Variants in FBXO40 observed in about 807,000 individuals in gnomAD.
The protein encoded by FBXO40 is F-box protein 40.
FBXO40 carries 50 observed loss-of-function variants against 49.9 expected under a neutral mutation model. The ratio of observed to expected loss-of-function variants is 1.00; its 90% CI spans 0.80 to 1.27. The LOEUF (loss-of-function observed/expected upper bound fraction) is 1.27, where lower values mean the gene tolerates loss of function less well. Ranked by LOEUF, FBXO40 falls within the 50% of genes most tolerant of loss-of-function variation. The pLI, the probability that FBXO40 is intolerant of heterozygous loss-of-function variation, is 0.00. For missense variants in FBXO40, 895 were observed against 870.1 expected (o/e 1.03, Z -0.36); for synonymous variants, 340 against 320.2 (o/e 1.06, Z -0.66).
At chr3:121,604,194 G>A (rs1412671338) in intron 1 of FBXO40, among the ~76,000 whole-genome samples, 4 of 152,168 alleles carry the variant, frequency 2.6e-5, no homozygotes, top group Admixed American at 2.6e-4. Flanking sequence ...AGCTTTAAGG[G>A]ACCTGTCATG....
chr3:121,599,705 C>CACACAT (rs1214125029), intron 1 of FBXO40, among the ~76,000 whole-genome samples: 20 of 59,532 alleles, frequency 3.4e-4, no homozygotes, highest in African/African-American at 1.2e-3. Flanking sequence ...CACACACACA[C>CACACAT]ATATATATAT....
In FBXO40 at chr3:121,627,906, CCTAGACAGCA is replaced by C. The variant is rs1469269028; in HGVS notation, c.*999_*1008del. 3.0e-5 allele frequency: 12 copies of C among 398,574 alleles called. No individual in the cohort carries two copies. Among genetic ancestry groups the C allele is most frequent in the African/African-American group, 2.5e-4 (12 of 48,636 alleles). The allele number at this position is 398,574 out of a possible 1,614,324, so 24.7% of individuals were successfully genotyped here. A position where few individuals can be genotyped will look rare whatever the true frequency, so the allele number is the denominator to read the frequency against. On this transcript the variant is annotated 3_prime_UTR_variant, in exon 4 of 4. Transcript: ENST00000338040. Reference sequence around the variant, plus strand: ...GTTCCTATGGCGCCAGTCACCAGCTCCTAGACAGCACTTGGGTACCCCATTGGGGTCTTGG... The same window carrying C: ...GTTCCTATGGCGCCAGTCACCAGCTCCTTGGGTACCCCATTGGGGTCTTGG...
chr3:121,601,042 A>G (rs1317878387), intron 1 of FBXO40, among the ~76,000 whole-genome samples: 1 of 152,148 alleles, frequency 6.6e-6, no homozygotes, highest in African/African-American at 2.4e-5. Flanking sequence ...TGATCAATCA[A>G]CTGTCCAGAT....
chr3:121,626,258 G>C (rs2049061186), intron 3 of FBXO40, among the ~76,000 whole-genome samples: 1 of 151,990 alleles, frequency 6.6e-6, no homozygotes, highest in South Asian at 2.1e-4. Context: ...GTGGTCTCTG[G>C]TGATTGCTGG....
intron 1 of FBXO40, among the ~76,000 whole-genome samples, chr3:121,594,723 C>T (rs1263776542): frequency 6.6e-6 from 1 of 152,122 alleles, no homozygotes; most frequent in Non-Finnish European, 1.5e-5. Flanking sequence ...CCTCTTCTCC[C>T]CAGCTCTCTT....
rs148776238 is a variant in FBXO40, at chr3:121,622,108, G to T, written c.679G>T (p.Ala227Ser). ...GGAAAATATTTTCAGCAAAGAGCAC[G>T]CAGCCTCTGCTTTAACAAATTCATC... ...QWENIFSKEH[A>S]ASALTNSSAS... Residue 227 changes from alanine to serine, a missense_variant, in exon 3 of 4, where the codon GCA becomes TCA. By Grantham distance (99) the Ala-to-Ser change is moderately conservative. Coordinates refer to ENST00000338040, the MANE Select transcript of FBXO40 (RefSeq NM_016298.4). The T allele has an allele frequency of 2.5e-6, 4 of 1,614,182 alleles. No homozygotes were observed. The highest frequency in any genetic ancestry group is 3.4e-6 in the Non-Finnish European group (4 of 1,180,038).
chr3:121,624,796 T>C (rs976539468), intron 3 of FBXO40, among the ~76,000 whole-genome samples: 18 of 152,028 alleles, frequency 1.2e-4, no homozygotes, highest in African/African-American at 4.1e-4. Context: ...GGCATAACTC[T>C]CTAGGTAGCT....
intron 1 of FBXO40, among the ~76,000 whole-genome samples, chr3:121,594,951 C>T (rs2048863900): frequency 6.6e-6 from 1 of 152,180 alleles, no homozygotes. Flanking sequence ...GTGTTGCATG[C>T]ACTAAAAATT....
chr3:121,621,848 C>T lies in FBXO40; in HGVS notation c.419C>T (p.Ser140Phe), dbSNP rs267599566. Residue 140 changes from serine (S) to phenylalanine (F), a missense_variant, in exon 3 of 4, where the codon TCC becomes TTC. Physicochemically the swap from Ser to Phe is radical, Grantham distance 155. Coordinates refer to ENST00000338040, the MANE Select transcript of FBXO40 (RefSeq NM_016298.4). ...ALQDQKVLFRSLKMVELFPET... is the reference protein window; with the variant it reads ...ALQDQKVLFRFLKMVELFPET... Reference sequence around the variant, plus strand: ...CAGGATCAGAAGGTCCTCTTCAGATCCTTGAAAATGGTGGAACTTTTCCCA... The same window carrying T: ...CAGGATCAGAAGGTCCTCTTCAGATTCTTGAAAATGGTGGAACTTTTCCCA... 6.2e-7 allele frequency: 1 copy of T among 1,614,134 alleles called. No individual in the cohort carries two copies. Among genetic ancestry groups the T allele is most frequent in the Non-Finnish European group, 8.5e-7 (1 of 1,180,030 alleles).
Position 121,622,799 on chromosome 3 carries a change from T to A in FBXO40, c.1370T>A (p.Val457Glu), listed in dbSNP as rs143931074. The change falls in exon 3 of 4, where the codon GTG (valine) becomes GAG (glutamate). Residue 457 changes from valine to glutamate, a missense_variant. By Grantham distance (121) the Val-to-Glu change is moderately radical. Coordinates refer to ENST00000338040, the MANE Select transcript of FBXO40 (RefSeq NM_016298.4). Reference sequence around the variant, plus strand: ...GCTGCCACCCCAGGGGGACTCCACGTGGAGCTCCACAGCGAGTGTGTGACC... The same window carrying A: ...GCTGCCACCCCAGGGGGACTCCACGAGGAGCTCCACAGCGAGTGTGTGACC... ...LTAATPGGLH[V>E]ELHSECVTRR... The A allele has an allele frequency of 2.7e-5, 43 of 1,614,060 alleles. 1 individual carries two copies. The highest frequency in any genetic ancestry group is 3.3e-5 in the Non-Finnish European group (39 of 1,180,042).
rs1298539925 is a variant in FBXO40, at chr3:121,627,459, G to T, written c.*549G>T. The T allele has an allele frequency of 5.7e-6, 1 of 173,936 alleles. No homozygotes were observed. The highest frequency in any genetic ancestry group is 1.2e-5 in the Non-Finnish European group (1 of 82,962). The allele number at this position is 173,936 out of a possible 1,614,324, so 10.8% of individuals were successfully genotyped here. ...ATTCTACTGCCTCTAGGCCAGGGTA[G>T]TCCTAACACAGCCTGACATAGGAGA... On this transcript the variant is annotated 3_prime_UTR_variant, in exon 4 of 4. Transcript: ENST00000338040.
intron 1 of FBXO40, among the ~76,000 whole-genome samples, chr3:121,593,733 G>T (rs1386939381): frequency 6.6e-6 from 1 of 151,922 alleles, no homozygotes; most frequent in Non-Finnish European, 1.5e-5. Context: ...GACAGCTTAG[G>T]TTCTTTCTTC....
intron 1 of FBXO40, among the ~76,000 whole-genome samples, chr3:121,610,152 C>T (rs1293394934): frequency 6.6e-6 from 1 of 152,150 alleles, no homozygotes; most frequent in Non-Finnish European, 1.5e-5. Context: ...GCTCGGAGGC[C>T]CAGAATGGGG....
intron 1 of FBXO40, among the ~76,000 whole-genome samples, chr3:121,599,300 T>G (rs1258888545): frequency 2.0e-5 from 3 of 151,930 alleles, no homozygotes; most frequent in Admixed American, 1.3e-4. Context: ...AAACCCCGTC[T>G]CTACTAAAAA....
In FBXO40 at chr3:121,622,980, A is replaced by G. The variant is rs1576456305; in HGVS notation, c.1551A>G (p.Gly517=). 1 of 1,613,984 alleles carries G rather than the reference A, an allele frequency of 6.2e-7. No individual in the cohort carries two copies. The highest frequency in any genetic ancestry group is 1.7e-5 in the Admixed American group (1 of 60,002). ...ATCGATGCCCCCTCGCCTACTTGGGATGTACATTTGTTCAAAACCATTTCC... is the reference window on the plus strand; with the variant it reads ...ATCGATGCCCCCTCGCCTACTTGGGGTGTACATTTGTTCAAAACCATTTCC... The part of the protein sequence containing the change: ...FQHRCPLAYL[G]CTFVQNHFRP... The change falls in exon 3 of 4, where the codon GGA becomes GGG. Residue 517 remains glycine (G), a synonymous_variant. Transcript: ENST00000338040.
intron 1 of FBXO40, among the ~76,000 whole-genome samples, chr3:121,603,822 G>A (rs1013196674): frequency 6.6e-6 from 1 of 152,156 alleles, no homozygotes; most frequent in African/African-American, 2.4e-5. Flanking sequence ...CAGCTCAAGC[G>A]ATTCTCCTGC....
chr3:121,605,518 T>C (rs964094268), intron 1 of FBXO40, among the ~76,000 whole-genome samples: 4 of 152,202 alleles, frequency 2.6e-5, no homozygotes, highest in Admixed American at 2.6e-4. Flanking sequence ...GATTCCATTG[T>C]TCCTAACACA....
chr3:121,605,922 G>A (rs1417885828), intron 1 of FBXO40, among the ~76,000 whole-genome samples: 2 of 152,174 alleles, frequency 1.3e-5, no homozygotes, highest in East Asian at 1.9e-4. Flanking sequence ...TCCAGCAAGA[G>A]GACATCGGCA....
chr3:121,597,055 C>A (rs1255242993), intron 1 of FBXO40, among the ~76,000 whole-genome samples: 1 of 152,144 alleles, frequency 6.6e-6, no homozygotes, highest in Non-Finnish European at 1.5e-5. Context: ...GCACACACCT[C>A]GCTGGCGACA....
Sources: gnomAD v4.1 joint callset for allele counts (sites outside exome capture counted in the v4.1 genomes callset) on GRCh38, gnomAD v4.1.1 for gene constraint, MANE v1.5 for transcripts, NCBI Gene and HGNC (gene_info 2026-07-23, HGNC 2026-07-21) for gene names.